The following CNTNAP2 variants were observed in gnomAD, a reference collection of about 807,000 sequenced individuals.
CNTNAP2 encodes the protein contactin-associated protein-like 2.
Under a neutral mutation model 155.2 loss-of-function variants are expected in CNTNAP2, and 98 were observed. That is an observed-to-expected ratio of 0.63 (90% confidence interval 0.54 to 0.75). The LOEUF is 0.75. Among genes scored for constraint, CNTNAP2 ranks in the 30% least tolerant of loss-of-function variants. The probability of loss-of-function intolerance (pLI) is 0.00; values close to 1 mark genes in which losing one functional copy is unlikely to be tolerated. For synonymous variants in CNTNAP2, 651 were observed against 631.2 expected (o/e 1.03, Z -0.47); for missense variants, 1,727 against 1,688.1 (o/e 1.02, Z -0.40).
intron 1 of CNTNAP2, among the ~76,000 whole-genome samples, chr7:146,373,077 A>G (rs533194481): frequency 1.3e-5 from 2 of 152,306 alleles, no homozygotes; most frequent in African/African-American, 2.4e-5. Flanking sequence ...GAATGGTAAG[A>G]TTATCCACTT....
rs140049425 is a variant in CNTNAP2 at position 148,313,524 on chromosome 7, G to A, written c.3475+46398G>A. On this transcript the variant is annotated intron_variant, in intron 21 of 23. Transcript: ENST00000361727. ...TTTCCAGCACTTGTAGCAAGCTCCC[G>A]GGGGAGAAGGTTCTGGAGGAATCCC... is the stretch of plus-strand genomic sequence containing the variant. Among the ~76,000 whole-genome samples, 1,070 of 152,222 alleles carry A rather than the reference G, an allele frequency of 7.0e-3. 13 individuals carry two copies. Among genetic ancestry groups the A allele is most frequent in the African/African-American group, 0.024 (1,014 of 41,518 alleles).
chr7:146,550,162 G>C (rs1798093381), intron 1 of CNTNAP2, among the ~76,000 whole-genome samples: 1 of 151,940 alleles, frequency 6.6e-6, no homozygotes, highest in Admixed American at 6.6e-5. Flanking sequence ...GTTATTTGAA[G>C]ATCAACTGAA....
rs73466216 is a variant in CNTNAP2 at position 148,293,574 on chromosome 7, C to G, written c.3475+26448C>G. 2.4e-3 allele frequency among the ~76,000 whole-genome samples: 367 copies of G among 152,264 alleles called. 1 individual carries two copies. The highest frequency in any genetic ancestry group is 8.6e-3 in the African/African-American group (358 of 41,552). On this transcript the variant is annotated intron_variant, in intron 21 of 23. Coordinates refer to ENST00000361727, the MANE Select transcript of CNTNAP2 (RefSeq NM_014141.6). ...AAGTATAGTGATTCATCCAAAAGTACAAAGTGTTACTAGCAAGATGGATGA... is the reference window on the plus strand; with the variant it reads ...AAGTATAGTGATTCATCCAAAAGTAGAAAGTGTTACTAGCAAGATGGATGA...
chr7:147,096,120 G>T (rs927485337), intron 4 of CNTNAP2, among the ~76,000 whole-genome samples: 2 of 152,142 alleles, frequency 1.3e-5, no homozygotes, highest in African/African-American at 4.8e-5. Flanking sequence ...TTATTCACAG[G>T]AAAATTAGGG....
rs189334443 is a variant in CNTNAP2, at chr7:146,345,447, A to G, written c.97+228474A>G. Among the ~76,000 whole-genome samples the G allele has an allele frequency of 7.6e-4, 116 of 152,254 alleles. 2 individuals carry two copies. The South Asian group carries it at 0.023, about 30-fold the overall frequency. On this transcript the variant is annotated intron_variant, in intron 1 of 23. Transcript: ENST00000361727. ...GTCATTCTGTTGTTGACGTCTCTTC[A>G]ATCTCAATACGCCACTCAGCAAAGG...
At chr7:147,502,161 A>T (rs1045099671) in intron 11 of CNTNAP2, among the ~76,000 whole-genome samples, 1 of 152,180 alleles carries the variant, frequency 6.6e-6, no homozygotes, top group Non-Finnish European at 1.5e-5. Flanking sequence ...AATGCAAGCT[A>T]TACAATCAAG....
chr7:147,398,029 T>G (rs995781049), intron 10 of CNTNAP2, among the ~76,000 whole-genome samples: 5 of 152,094 alleles, frequency 3.3e-5, no homozygotes, highest in Admixed American at 1.3e-4. Context: ...GCAGATTCCT[T>G]TAGTCACCTA....
At chr7:147,853,322 A>G (rs942872438) in intron 13 of CNTNAP2, among the ~76,000 whole-genome samples, 1 of 152,230 alleles carries the variant, frequency 6.6e-6, no homozygotes, top group Non-Finnish European at 1.5e-5. Context: ...AGACATGGCT[A>G]GAACTGTTAC....
chr7:148,050,294 G>T (rs1157335696), intron 15 of CNTNAP2, among the ~76,000 whole-genome samples: 1 of 152,228 alleles, frequency 6.6e-6, no homozygotes, highest in East Asian at 1.9e-4. Flanking sequence ...AGTAGGACAA[G>T]GTGTGGAGGT....
At chr7:146,930,815 A>C (rs1187873412) in intron 3 of CNTNAP2, among the ~76,000 whole-genome samples, 1 of 152,178 alleles carries the variant, frequency 6.6e-6, no homozygotes, top group Non-Finnish European at 1.5e-5. Flanking sequence ...ACTTTAAACC[A>C]ACAAAGATCA....
At chr7:146,746,970 T>C (rs1380157803) in intron 1 of CNTNAP2, among the ~76,000 whole-genome samples, 2 of 152,148 alleles carry the variant, frequency 1.3e-5, no homozygotes, top group African/African-American at 4.8e-5. Flanking sequence ...ATCCCCAGAA[T>C]TGAATTTATT....
intron 13 of CNTNAP2, among the ~76,000 whole-genome samples, chr7:147,867,356 C>T (rs1799249456): frequency 6.6e-6 from 1 of 152,152 alleles, no homozygotes; most frequent in South Asian, 2.1e-4. Flanking sequence ...GGTAACCCGA[C>T]CTTTCTTTCT....
At chr7:146,593,886 T>C (rs1798820223) in intron 1 of CNTNAP2, among the ~76,000 whole-genome samples, 1 of 152,118 alleles carries the variant, frequency 6.6e-6, no homozygotes, top group South Asian at 2.1e-4. Flanking sequence ...GCAGAGTTGG[T>C]TTAATTTTAG....
At chr7:146,933,047 A>T (rs889119556) in intron 3 of CNTNAP2, among the ~76,000 whole-genome samples, 9 of 152,292 alleles carry the variant, frequency 5.9e-5, no homozygotes, top group African/African-American at 2.2e-4. Flanking sequence ...CATCCCCATC[A>T]AGCTATCAAT....
chr7:146,186,828 A>G (rs1011364243), intron 1 of CNTNAP2, among the ~76,000 whole-genome samples: 2 of 152,160 alleles, frequency 1.3e-5, no homozygotes, highest in Non-Finnish European at 2.9e-5. Context: ...CTTTCACAGA[A>G]TGTTTTCATG....
At chr7:146,688,500 A>C (rs1230221166) in intron 1 of CNTNAP2, among the ~76,000 whole-genome samples, 2 of 152,048 alleles carry the variant, frequency 1.3e-5, no homozygotes, top group Non-Finnish European at 2.9e-5. Flanking sequence ...AAATTATTAC[A>C]GTTAAAGGGG....
intron 1 of CNTNAP2, among the ~76,000 whole-genome samples, chr7:146,701,424 T>TTG (rs1362972128): frequency 1.3e-5 from 2 of 152,188 alleles, no homozygotes; most frequent in African/African-American, 4.8e-5. Context: ...ACTCTACTGG[T>TTG]TGCTAAATAT....
chr7:147,237,377 C>T (rs963361933), intron 8 of CNTNAP2, among the ~76,000 whole-genome samples: 1 of 152,042 alleles, frequency 6.6e-6, no homozygotes, highest in African/African-American at 2.4e-5. Context: ...CTAGCCTAGC[C>T]TTCACCTCTT....
At chr7:147,083,802 CATGT>C (rs1054591566) in intron 4 of CNTNAP2, among the ~76,000 whole-genome samples, 18 of 135,408 alleles carry the variant, frequency 1.3e-4, no homozygotes, top group African/African-American at 5.1e-4. Flanking sequence ...TACATATACA[CATGT>C]ATGTACATAT....
Sources: gnomAD v4.1 joint callset for allele counts (sites outside exome capture counted in the v4.1 genomes callset) on GRCh38, gnomAD v4.1.1 for gene constraint, MANE v1.5 for transcripts, NCBI Gene and HGNC (gene_info 2026-07-23, HGNC 2026-07-21) for gene names.